KLHL32: variants seen among roughly 807,000 people sequenced by gnomAD.
KLHL32 encodes the protein kelch like family member 32.
A neutral mutation model predicts 64.8 loss-of-function variants in KLHL32; 35 were observed. The observed-to-expected ratio is 0.54, with a 90% confidence interval of 0.41 to 0.72. The LOEUF (loss-of-function observed/expected upper bound fraction) is 0.72, where lower values mean the gene tolerates loss of function less well. Among genes scored for constraint, KLHL32 ranks in the 30% least tolerant of loss-of-function variants. The pLI is 0.00. For synonymous variants in KLHL32, 259 were observed against 281.0 expected, an observed-to-expected ratio of 0.92 and a Z score of 0.78; for missense variants, 589 against 768.5, an observed-to-expected ratio of 0.77 and a Z score of 2.76.
At chr6:96,923,054 G>T (rs778038171), upstream of KLHL32, among the ~76,000 whole-genome samples, 1 of 152,202 alleles carries the variant, frequency 6.6e-6, no homozygotes, top group Non-Finnish European at 1.5e-5. Flanking sequence ...GAGACACTCA[G>T]CTTGGGCAGT....
chr6:96,924,400 A>AGGAGGAGGGCGGCGT (rs1471924249), upstream of KLHL32, among the ~76,000 whole-genome samples: 3 of 130,240 alleles, frequency 2.3e-5, no homozygotes, highest in African/African-American at 8.8e-5. Context: ...CCGGAGAGCG[A>AGGAGGAGGGCGGCGT]GGAGGAGGGC....
At chr6:97,014,899 G>A (rs569634125) in intron 3 of KLHL32, among the ~76,000 whole-genome samples, 1 of 152,164 alleles carries the variant, frequency 6.6e-6, no homozygotes, top group African/African-American at 2.4e-5. Context: ...ATCTCATCTC[G>A]AATTTTAATC....
chr6:96,983,228 G>A (rs1257685863), intron 3 of KLHL32, among the ~76,000 whole-genome samples: 1 of 152,276 alleles, frequency 6.6e-6, no homozygotes, highest in Non-Finnish European at 1.5e-5. Context: ...CAGGGATGAA[G>A]CCCACTTGAT....
intron 1 of KLHL32, among the ~76,000 whole-genome samples, chr6:96,959,812 G>A (rs866038907): frequency 2.6e-5 from 4 of 152,160 alleles, no homozygotes; most frequent in Non-Finnish European, 4.4e-5. Flanking sequence ...AATGCCAAGT[G>A]TCTTATGGTC....
At chr6:97,102,883 T>C (rs1795910847) in intron 6 of KLHL32, among the ~76,000 whole-genome samples, 1 of 152,070 alleles carries the variant, frequency 6.6e-6, no homozygotes, top group Admixed American at 6.6e-5. Flanking sequence ...TGAAGGTTTC[T>C]TATATAGGTA....
intron 1 of KLHL32, among the ~76,000 whole-genome samples, chr6:96,941,268 T>G (rs1771247888): frequency 6.6e-6 from 1 of 152,234 alleles, no homozygotes; most frequent in African/African-American, 2.4e-5. Context: ...TATTTTGTTC[T>G]TTCCACCTGG....
chr6:97,006,431 G>A lies in KLHL32; in HGVS notation c.204+30254G>A, dbSNP rs561870585. On this transcript the variant is annotated intron_variant, in intron 3 of 10. Coordinates refer to ENST00000369261, the MANE Select transcript of KLHL32 (RefSeq NM_052904.4). The stretch of plus-strand genomic sequence containing the variant: ...GCATGTGAGATGGGCCTCTTGAAGC[G>A]AGCATACAGTTGGGTCTTGCTTCTT... Among the ~76,000 whole-genome samples, 8 of 152,210 alleles carry A rather than the reference G, an allele frequency of 5.3e-5. No homozygotes were observed. The South Asian group carries it at 1.2e-3, about 24-fold the overall frequency.
At chr6:97,086,619 T>A (rs1007517539) in intron 6 of KLHL32, among the ~76,000 whole-genome samples, 1 of 152,194 alleles carries the variant, frequency 6.6e-6, no homozygotes, top group Non-Finnish European at 1.5e-5. Flanking sequence ...GTCTTCAATA[T>A]TCCACACTGT....
chr6:97,112,440 T>C (rs1249103448), intron 6 of KLHL32, among the ~76,000 whole-genome samples: 1 of 152,096 alleles, frequency 6.6e-6, no homozygotes, highest in East Asian at 1.9e-4. Flanking sequence ...TGTGGTTTTT[T>C]CATTGATGAT....
At chr6:97,031,982 C>T (rs770275485) in intron 3 of KLHL32, among the ~76,000 whole-genome samples, 1 of 152,124 alleles carries the variant, frequency 6.6e-6, no homozygotes, top group Admixed American at 6.5e-5. Flanking sequence ...TTATGCCTAA[C>T]ATTAAGCATA....
chr6:97,062,604 G>T (rs917903592), intron 4 of KLHL32: 1 of 151,834 alleles, frequency 6.6e-6, no homozygotes, highest in Admixed American at 6.6e-5. Context: ...AGTTAAAATT[G>T]ATTCTGAATA....
chr6:97,086,341 T>C (rs748205628), intron 6 of KLHL32, among the ~76,000 whole-genome samples: 1 of 152,240 alleles, frequency 6.6e-6, no homozygotes, highest in Non-Finnish European at 1.5e-5. Flanking sequence ...ATTTTCCTGA[T>C]GCCTTTCTGC....
chr6:96,926,773 G>T (rs1769216971), intron 1 of KLHL32, among the ~76,000 whole-genome samples: 1 of 152,110 alleles, frequency 6.6e-6, no homozygotes, highest in Admixed American at 6.5e-5. Context: ...TTACTGTCCA[G>T]GCTCTAAAAC....
chr6:97,041,381 A>G, intron 3 of KLHL32, 111 bp from the exon 4 acceptor site: 1 of 672,280 alleles, frequency 1.5e-6, no homozygotes, highest in South Asian at 1.8e-5. Context: ...CAAAAATCAA[A>G]ATCAATTATT....
In KLHL32 at chr6:97,114,008, C is replaced by A. The variant is rs756925278; in HGVS notation, c.853C>A (p.Arg285=). ...CTGGCAGACTCGCAGGACCAAACCACGATTCCAGTCAGACACTCTGTATAT... is the reference window on the plus strand; with the variant it reads ...CTGGCAGACTCGCAGGACCAAACCAAGATTCCAGTCAGACACTCTGTATAT... ...PVWQTRRTKP[R]FQSDTLYIIG... The change falls in exon 7 of 11, where the codon CGA becomes AGA. Residue 285 remains arginine (R), a synonymous_variant. Coordinates refer to ENST00000369261, the MANE Select transcript of KLHL32 (RefSeq NM_052904.4). The A allele has an allele frequency of 6.2e-7, 1 of 1,614,092 alleles. No individual in the cohort carries two copies. Among genetic ancestry groups the A allele is most frequent in the East Asian group, 2.2e-5 (1 of 44,890 alleles).
chr6:97,086,775 G>A (rs955845885), intron 6 of KLHL32, among the ~76,000 whole-genome samples: 3 of 152,126 alleles, frequency 2.0e-5, no homozygotes, highest in Admixed American at 2.0e-4. Context: ...ATTATCTCTG[G>A]CTCTCTCTTA....
At chr6:97,022,914 C>A (rs1782206510) in intron 3 of KLHL32, among the ~76,000 whole-genome samples, 2 of 152,292 alleles carry the variant, frequency 1.3e-5, no homozygotes, top group Middle Eastern at 3.4e-3. Context: ...AGGAAACTTA[C>A]AATCATGGCA....
At chr6:96,932,476 C>T (rs765182766) in intron 1 of KLHL32, among the ~76,000 whole-genome samples, 8 of 151,622 alleles carry the variant, frequency 5.3e-5, no homozygotes, top group Admixed American at 3.3e-4. Flanking sequence ...TTCTGAAATC[C>T]CTAAGATTTG....
chr6:96,933,591 T>C (rs1770205125), intron 1 of KLHL32, among the ~76,000 whole-genome samples: 1 of 152,196 alleles, frequency 6.6e-6, no homozygotes, highest in Non-Finnish European at 1.5e-5. Flanking sequence ...CCTTTGTATC[T>C]GGAGCCTCAT....
Sources: gnomAD v4.1 joint callset for allele counts (sites outside exome capture counted in the v4.1 genomes callset) on GRCh38, gnomAD v4.1.1 for gene constraint, MANE v1.5 for transcripts, NCBI Gene and HGNC (gene_info 2026-07-23, HGNC 2026-07-21) for gene names.